Variants in FCHO2 observed in about 807,000 individuals in gnomAD.
FCHO2 encodes the protein FCH and mu domain containing endocytic adaptor 2.
FCHO2 carries 43 observed loss-of-function variants against 114.1 expected under a neutral mutation model. The observed-to-expected ratio is 0.38, with a 90% confidence interval of 0.30 to 0.49. FCHO2 has a LOEUF of 0.49. FCHO2 is among the 20% of genes least tolerant of loss of function. FCHO2 has a pLI of 0.97. For missense variants in FCHO2, 807 were observed against 950.4 expected, an observed-to-expected ratio of 0.85 and a Z score of 1.98; for synonymous variants, 293 against 315.2, an observed-to-expected ratio of 0.93 and a Z score of 0.75.
At chr5:73,003,073 T>TC (rs1266618814) in intron 5 of FCHO2, among the ~76,000 whole-genome samples, 1 of 152,216 alleles carries the variant, frequency 6.6e-6, no homozygotes, top group African/African-American at 2.4e-5. Context: ...GGTGGTATTA[T>TC]CATAGCTCAC....
At chr5:73,029,716 G>A (rs1756129216) in intron 8 of FCHO2, among the ~76,000 whole-genome samples, 1 of 152,166 alleles carries the variant, frequency 6.6e-6, no homozygotes, top group Admixed American at 6.5e-5. Context: ...GAGCCACCAT[G>A]TCACATGGCA....
rs116253504 is a variant in FCHO2, at chr5:73,044,795, C to T, written c.939+3480C>T. 3.6e-3 allele frequency among the ~76,000 whole-genome samples: 541 copies of T among 151,736 alleles called. 5 individuals are homozygous for T. Among genetic ancestry groups the T allele is most frequent in the African/African-American group, 0.013 (526 of 41,370 alleles). On this transcript the variant is annotated intron_variant, in intron 11 of 25. Transcript: ENST00000430046. ...ATTCTGGTATATATTTTTTAAATTG[C>T]CACCACTACTTTAGCCAGAGTAAAC...
intron 8 of FCHO2, among the ~76,000 whole-genome samples, chr5:73,018,716 G>C (rs539451560): frequency 2.0e-5 from 3 of 152,146 alleles, no homozygotes; most frequent in South Asian, 4.1e-4. Context: ...ACATTCTTCC[G>C]TTTTCACTTG....
chr5:72,956,299 A>G (rs1433911702), intron 1 of FCHO2, among the ~76,000 whole-genome samples, 170 bp downstream of exon 1: 3 of 151,504 alleles, frequency 2.0e-5, no homozygotes. Flanking sequence ...GCCAGCCTAT[A>G]GGGACTCCCG....
intron 3 of FCHO2, among the ~76,000 whole-genome samples, 151 bp downstream of exon 3, chr5:72,989,652 T>C (rs1403828060): frequency 6.6e-6 from 1 of 152,222 alleles, no homozygotes; most frequent in Admixed American, 6.5e-5. Flanking sequence ...CTTCACTTGA[T>C]AGAAAATATA....
At chr5:73,086,869 A>G (rs971745070) in intron 24 of FCHO2, among the ~76,000 whole-genome samples, 8 of 152,194 alleles carry the variant, frequency 5.3e-5, no homozygotes, top group African/African-American at 1.2e-4. Context: ...CGTTAAATGC[A>G]TCATGCTCTG....
At chr5:72,970,702 T>C (rs1040145097) in intron 2 of FCHO2, among the ~76,000 whole-genome samples, 29 of 151,936 alleles carry the variant, frequency 1.9e-4, no homozygotes, top group Non-Finnish European at 3.5e-4. Flanking sequence ...TTTTATTTTT[T>C]ATTTTTTATT....
At position 72,994,830 on chromosome 5, in the gene FCHO2, G is replaced by A. The variant is rs190501414; in HGVS notation, c.495+3966G>A. On this transcript the variant is annotated intron_variant, in intron 5 of 25. Transcript: ENST00000430046. ...TTTTGTGGGAACATGGGTGGAGCTG[G>A]AGCCCATTATTCTTAGCAAACTAAT... Among the ~76,000 whole-genome samples the A allele has an allele frequency of 3.1e-3, 465 of 152,258 alleles. 2 individuals carry two copies. In the Middle Eastern group the frequency reaches 0.034, roughly 11 times the overall value.
intron 2 of FCHO2, among the ~76,000 whole-genome samples, chr5:72,982,952 C>T (rs533930605): frequency 2.7e-5 from 4 of 149,488 alleles, no homozygotes; most frequent in South Asian, 2.1e-4. Context: ...ATCTCTCTGT[C>T]GCCGAGGCTG....
intron 5 of FCHO2, among the ~76,000 whole-genome samples, chr5:73,005,210 T>A (rs1754654131): frequency 6.6e-6 from 1 of 152,214 alleles, no homozygotes. Context: ...ATGTACCTCT[T>A]ACCAAACCCA....
Position 73,087,744 on chromosome 5 carries a change from T to G in FCHO2, c.2401T>G (p.Phe801Val). The stretch of plus-strand genomic sequence containing the variant: ...TAGGCTTTCCTTAATAAAGAAGCGG[T>G]TTGCTACTGGTAAGTTAGGAGATTT... ...GYRLSLIKKRFATGRYLADC is the reference protein window; with the variant it reads ...GYRLSLIKKRVATGRYLADC Residue 801 changes from phenylalanine to valine, a missense_variant, in exon 25 of 26, where the codon TTT (phenylalanine) becomes GTT (valine). By Grantham distance (50) the Phe-to-Val change is conservative. Transcript: ENST00000430046. 10 of 1,577,488 alleles carry G rather than the reference T, an allele frequency of 6.3e-6. No individual in the cohort carries two copies. The highest frequency in any genetic ancestry group is 8.6e-6 in the Non-Finnish European group (10 of 1,165,070).
chr5:72,973,704 C>G (rs1310652017), intron 2 of FCHO2, among the ~76,000 whole-genome samples: 5 of 150,656 alleles, frequency 3.3e-5, no homozygotes, highest in South Asian at 2.1e-4. Flanking sequence ...CTATTTCCTT[C>G]AGTTCTGCTC....
At chr5:72,968,929 G>GA (rs1344092754) in intron 2 of FCHO2, among the ~76,000 whole-genome samples, 1 of 152,076 alleles carries the variant, frequency 6.6e-6, no homozygotes, top group Non-Finnish European at 1.5e-5. Flanking sequence ...AAAATAATTA[G>GA]AAAAGACTAA....
chr5:73,058,094 C>T (rs975860883), intron 16 of FCHO2, among the ~76,000 whole-genome samples: 1 of 152,018 alleles, frequency 6.6e-6, no homozygotes, highest in Non-Finnish European at 1.5e-5. Flanking sequence ...CACTGCAGCA[C>T]AGAACTCCTG....
At chr5:72,964,816 T>A (rs1169759469) in intron 1 of FCHO2, among the ~76,000 whole-genome samples, 2 of 152,208 alleles carry the variant, frequency 1.3e-5, no homozygotes, top group Non-Finnish European at 1.5e-5. Context: ...AATTTCACTT[T>A]CCACAGTTTC....
chr5:73,068,499 G>C, intron 18 of FCHO2, 151 bp from the exon 19 acceptor site: 1 of 645,748 alleles, frequency 1.5e-6, no homozygotes, highest in Non-Finnish European at 2.5e-6. Flanking sequence ...TCTTAAAAAT[G>C]ATATGATATA....
intron 22 of FCHO2, 119 bp from the exon 23 acceptor site, chr5:73,081,664 T>TA: frequency 4.7e-6 from 3 of 641,370 alleles, no homozygotes; most frequent in Non-Finnish European, 7.3e-6. Context: ...TGCCAACAGA[T>TA]AGTCCCCTCA....
intron 13 of FCHO2, among the ~76,000 whole-genome samples, chr5:73,053,628 G>A (rs1238072732): frequency 5.3e-5 from 8 of 151,836 alleles, no homozygotes; most frequent in Admixed American, 1.3e-4. Flanking sequence ...ACCATGAGGC[G>A]GAGGTTGAAG....
At chr5:73,028,646 C>CTTTTTTT (rs1177312773) in intron 8 of FCHO2, among the ~76,000 whole-genome samples, 12 of 112,148 alleles carry the variant, frequency 1.1e-4, no homozygotes, top group Admixed American at 2.9e-4. Flanking sequence ...TTATATGATT[C>CTTTTTTT]TTTTTTTTTT....
Sources: allele counts gnomAD v4.1 joint callset (sites outside exome capture counted in the v4.1 genomes callset), GRCh38; gene constraint gnomAD v4.1.1; transcripts MANE v1.5; gene names NCBI Gene and HGNC (gene_info 2026-07-23, HGNC 2026-07-21).